The following TMEM132D variants were observed in gnomAD, a reference collection of about 807,000 sequenced individuals.
TMEM132D encodes transmembrane protein 132D.
Under a neutral mutation model 62.3 loss-of-function variants are expected in TMEM132D, and 21 were observed. The ratio of observed to expected loss-of-function variants is 0.34; its 90% CI spans 0.24 to 0.49. The LOEUF is 0.49. TMEM132D is among the 20% of genes least tolerant of loss of function. TMEM132D has a pLI of 0.99. For synonymous variants in TMEM132D, 621 were observed against 575.6 expected (o/e 1.08, Z -1.13); for missense variants, 1,346 against 1,402.8 (o/e 0.96, Z 0.65).
chr12:129,143,968 C>A (rs1289003856), intron 5 of TMEM132D, among the ~76,000 whole-genome samples: 3 of 152,094 alleles, frequency 2.0e-5, no homozygotes, highest in Non-Finnish European at 2.9e-5. Flanking sequence ...CTGGACCATT[C>A]TTGGACCATC....
At chr12:129,308,486 T>C (rs1386817587) in intron 4 of TMEM132D, among the ~76,000 whole-genome samples, 1 of 152,204 alleles carries the variant, frequency 6.6e-6, no homozygotes, top group African/African-American at 2.4e-5. Context: ...ATTAATTCCC[T>C]TCCATTTCTC....
At chr12:129,376,572 G>A (rs951496882) in intron 3 of TMEM132D, among the ~76,000 whole-genome samples, 1 of 152,146 alleles carries the variant, frequency 6.6e-6, no homozygotes, top group African/African-American at 2.4e-5. Context: ...ACCATATCAG[G>A]CTGAATTTGT....
chr12:129,539,954 G>C lies in TMEM132D; in HGVS notation c.969-8749C>G, dbSNP rs547040205. Among the ~76,000 whole-genome samples, 3 of 152,282 alleles carry C rather than the reference G, an allele frequency of 2.0e-5. No individual in the cohort carries two copies. The East Asian group carries it at 5.8e-4, about 29-fold the overall frequency. On this transcript the variant is annotated intron_variant, in intron 2 of 8. Transcript: ENST00000422113. ...ACATGGCCCAGAGGGTGAGCCAAGC[G>C]TGGTGTCAAGTCTCCGGCCAGGCTG...
chr12:129,185,357 T>A (rs1593288936), intron 5 of TMEM132D, among the ~76,000 whole-genome samples: 1 of 152,252 alleles, frequency 6.6e-6, no homozygotes, highest in Non-Finnish European at 1.5e-5. Context: ...TCAAAAGAAC[T>A]TTTGAAAACA....
Position 129,772,109 on chromosome 12 carries a change from T to A in TMEM132D, c.80-71411A>T, listed in dbSNP as rs188643684. 2.5e-3 allele frequency among the ~76,000 whole-genome samples: 379 copies of A among 149,756 alleles called. 4 individuals carry two copies. Among genetic ancestry groups the A allele is most frequent in the African/African-American group, 8.4e-3 (343 of 40,940 alleles). On this transcript the variant is annotated intron_variant, in intron 1 of 8. Transcript: ENST00000422113. The stretch of plus-strand genomic sequence containing the variant: ...GATCACACAGTGGAAGAAGCCTTTT[T>A]AAAAAAAAAAATTAATGTATTGTAA...
rs1020735777 is a variant in TMEM132D, at chr12:129,323,917, T to TA, written c.1299+13716_1299+13717insT. ...TTCTATAGGAAGTAGGTTTTATTTT[T>TA]TTTTTTTGAAGGTTTTAAGATTTGT... On this transcript the variant is annotated intron_variant, in intron 4 of 8. Transcript: ENST00000422113. 5.9e-5 allele frequency among the ~76,000 whole-genome samples: 9 copies of TA among 152,144 alleles called. No individual in the cohort carries two copies. The South Asian group carries it at 6.2e-4, about 11-fold the overall frequency.
intron 5 of TMEM132D, among the ~76,000 whole-genome samples, chr12:129,136,869 C>T (rs917527676): frequency 3.3e-5 from 5 of 150,164 alleles, no homozygotes; most frequent in African/African-American, 9.8e-5. Flanking sequence ...ATCACCACCA[C>T]CATCATTACT....
intron 3 of TMEM132D, among the ~76,000 whole-genome samples, chr12:129,404,301 T>C (rs1871708576): frequency 6.6e-6 from 1 of 151,940 alleles, no homozygotes; most frequent in East Asian, 1.9e-4. Context: ...CGGGTTCAAG[T>C]GATTCTCCTG....
intron 3 of TMEM132D, among the ~76,000 whole-genome samples, chr12:129,529,661 A>C (rs1434286059): frequency 6.6e-6 from 1 of 152,172 alleles, no homozygotes; most frequent in Non-Finnish European, 1.5e-5. Context: ...TAAATTTATT[A>C]TTTTCTTCTG....
chr12:129,444,572 G>T (rs576576132), intron 3 of TMEM132D, among the ~76,000 whole-genome samples: 1 of 152,240 alleles, frequency 6.6e-6, no homozygotes, highest in African/African-American at 2.4e-5. Context: ...TAGATATTAA[G>T]CTGGACATGC....
chr12:129,339,745 G>A (rs1869407051), intron 3 of TMEM132D, among the ~76,000 whole-genome samples: 1 of 152,160 alleles, frequency 6.6e-6, no homozygotes. Flanking sequence ...GATGAAATGG[G>A]ATAATCTCCG....
intron 2 of TMEM132D, among the ~76,000 whole-genome samples, chr12:129,552,689 T>C (rs1161322859): frequency 6.6e-6 from 1 of 152,168 alleles, no homozygotes; most frequent in Non-Finnish European, 1.5e-5. Flanking sequence ...CCACCTAGTA[T>C]TTATCTGTTT....
intron 4 of TMEM132D, among the ~76,000 whole-genome samples, chr12:129,302,557 C>T (rs1418353460): frequency 6.6e-6 from 1 of 152,218 alleles, no homozygotes; most frequent in East Asian, 1.9e-4. Flanking sequence ...AGGCTGGAGT[C>T]TGTGGGTCAG....
chr12:129,536,062 G>A (rs765763808), intron 2 of TMEM132D, among the ~76,000 whole-genome samples: 1 of 152,162 alleles, frequency 6.6e-6, no homozygotes, highest in Non-Finnish European at 1.5e-5. Flanking sequence ...AGGAAGATAC[G>A]AAGAGATCCA....
chr12:129,295,224 C>T (rs1881541199), intron 4 of TMEM132D, among the ~76,000 whole-genome samples: 1 of 152,140 alleles, frequency 6.6e-6, no homozygotes, highest in Non-Finnish European at 1.5e-5. Flanking sequence ...CTACGGAACA[C>T]TGCTGGCTAG....
intron 3 of TMEM132D, among the ~76,000 whole-genome samples, chr12:129,441,430 C>A (rs991634853): frequency 6.6e-6 from 1 of 152,160 alleles, no homozygotes; most frequent in African/African-American, 2.4e-5. Context: ...AGGCAACAGG[C>A]AGGAGGTGAT....
At chr12:129,101,043 C>T (rs1262192067) in intron 5 of TMEM132D, among the ~76,000 whole-genome samples, 5 of 151,398 alleles carry the variant, frequency 3.3e-5, no homozygotes, top group African/African-American at 7.3e-5. Context: ...AGCTTTGCAG[C>T]GCTAGGCGGT....
intron 1 of TMEM132D, among the ~76,000 whole-genome samples, chr12:129,831,129 C>T (rs1175840009): frequency 6.6e-6 from 1 of 152,102 alleles, no homozygotes; most frequent in Non-Finnish European, 1.5e-5. Context: ...TATTTCTGAC[C>T]CCCTGGGTCA....
At chr12:129,760,752 C>T (rs778875133) in intron 1 of TMEM132D, among the ~76,000 whole-genome samples, 5 of 151,814 alleles carry the variant, frequency 3.3e-5, no homozygotes, top group Admixed American at 6.6e-5. Flanking sequence ...CCATCAACCC[C>T]TCCTCTAGGT....
Sources: allele counts gnomAD v4.1 joint callset (sites outside exome capture counted in the v4.1 genomes callset), GRCh38; gene constraint gnomAD v4.1.1; transcripts MANE v1.5; gene names NCBI Gene and HGNC (gene_info 2026-07-23, HGNC 2026-07-21).